KLF16: variants seen among roughly 807,000 people sequenced by gnomAD.
KLF16 encodes the protein KLF transcription factor 16.
KLF16 carries 6 observed loss-of-function variants against 6.1 expected under a neutral mutation model. That is an observed-to-expected ratio of 0.98 (90% confidence interval 0.54 to 1.93). The LOEUF is 1.93. Among genes scored for constraint, KLF16 ranks in the 30% most tolerant of loss-of-function variants. KLF16 has a pLI of 0.01. For synonymous variants in KLF16, 211 were observed against 176.5 expected (o/e 1.20, Z -1.55); for missense variants, 355 against 363.8 (o/e 0.98, Z 0.20).
rs947873612 is a variant in KLF16 at position 1,857,813 on chromosome 19, G to C, written c.458-3053C>G. Among the ~76,000 whole-genome samples the C allele has an allele frequency of 2.0e-5, 3 of 152,106 alleles. No homozygotes were observed. The highest frequency in any genetic ancestry group is 7.2e-5 in the African/African-American group (3 of 41,422). On this transcript the variant is annotated intron_variant, in intron 1 of 1. Coordinates refer to ENST00000250916, the MANE Select transcript of KLF16 (RefSeq NM_031918.4). The surrounding 1 kb of genome is among the most constrained non-coding windows in gnomAD (Gnocchi z 4.7). ...CCCAGGAGAGCCAGGAAAGGCTGGGGCTGGGGAGGCCTCTTACCCACCCAG... is the reference window on the plus strand; with the variant it reads ...CCCAGGAGAGCCAGGAAAGGCTGGGCCTGGGGAGGCCTCTTACCCACCCAG...
At chr19:1,874,745 CCAAAAA>C in the KLF16 span, 2 of 48,730 alleles carry the variant, frequency 4.1e-5, no homozygotes, top group African/African-American at 2.2e-4. Flanking sequence ...TGTCAGAGTC[CCAAAAA>C]AAAAAAAAAA....
At chr19:1,860,806 G>A (rs1294779577) in intron 1 of KLF16, among the ~76,000 whole-genome samples, 1 of 152,176 alleles carries the variant, frequency 6.6e-6, no homozygotes, top group Non-Finnish European at 1.5e-5. Flanking sequence ...GTGGTCCTGG[G>A]GGCTGGGGAG....
At chr19:1,864,035 T>G, upstream of KLF16, among the ~76,000 whole-genome samples, 1 of 122,488 alleles carries the variant, frequency 8.2e-6, no homozygotes, top group Non-Finnish European at 1.7e-5. Flanking sequence ...ACGCCCCTCC[T>G]TCCGAGAGCG....
chr19:1,866,571 G>T (rs370510470), upstream of KLF16, among the ~76,000 whole-genome samples: 24 of 151,600 alleles, frequency 1.6e-4, no homozygotes, highest in East Asian at 2.1e-3. Context: ...CCGAGATCGT[G>T]CCACTGCACT....
At chr19:1,865,546 G>T (rs753497802), upstream of KLF16, among the ~76,000 whole-genome samples, 1 of 152,274 alleles carries the variant, frequency 6.6e-6, no homozygotes, top group Admixed American at 6.5e-5. Flanking sequence ...GGAGGCTAAC[G>T]ATGGGGGGCA....
At chr19:1,864,148 C>A (rs1184053909), upstream of KLF16, among the ~76,000 whole-genome samples, 1 of 150,612 alleles carries the variant, frequency 6.6e-6, no homozygotes, top group Non-Finnish European at 1.5e-5. Context: ...GGGAGCCCGC[C>A]CCCTCCCCGG....
rs774381278 is a variant in KLF16, at chr19:1,854,567, G to C, written c.651C>G (p.Leu217=). 6.3e-7 allele frequency: 1 copy of C among 1,581,596 alleles called. No individual in the cohort carries two copies. The highest frequency in any genetic ancestry group is 8.5e-7 in the Non-Finnish European group (1 of 1,171,282). The change falls in exon 2 of 2, where the codon CTC becomes CTG. Residue 217 remains leucine, a synonymous_variant. Transcript: ENST00000250916. ...RRHPGFHPDL[L]RRPGARSTSP... is the part of the protein sequence containing the mutation. ...AGGTACTGCGGGCACCAGGGCGCCG[G>C]AGCAGGTCCGGGTGGAAGCCGGGGT...
upstream of KLF16, among the ~76,000 whole-genome samples, chr19:1,868,490 T>A (rs905524701): frequency 3.0e-4 from 34 of 114,062 alleles, no homozygotes; most frequent in Middle Eastern, 5.3e-3. Flanking sequence ...TTTTTTTTTT[T>A]TTTTTTTTGA....
chr19:1,856,628 C>G (rs778492656), intron 1 of KLF16, among the ~76,000 whole-genome samples: 1 of 152,330 alleles, frequency 6.6e-6, no homozygotes, highest in South Asian at 2.1e-4. Flanking sequence ...AAGCAAGAGG[C>G]GCAGAGCAGC....
At chr19:1,875,424 G>A in the KLF16 span, 6 of 152,258 alleles carry the variant, frequency 3.9e-5, no homozygotes, top group African/African-American at 1.2e-4. Flanking sequence ...GCACGTAGAT[G>A]TTCCTGCATA....
chr19:1,865,327 A>G (rs1010749620), upstream of KLF16, among the ~76,000 whole-genome samples: 2 of 152,036 alleles, frequency 1.3e-5, no homozygotes, highest in African/African-American at 4.8e-5. Flanking sequence ...TTGTCTTTGA[A>G]CTTCTAGGAC....
chr19:1,872,024 G>A, the KLF16 span, among the ~76,000 whole-genome samples: 1 of 152,198 alleles, frequency 6.6e-6, no homozygotes, highest in Non-Finnish European at 1.5e-5. Flanking sequence ...CACAGAGTCG[G>A]GAGGGGACCA....
At chr19:1,856,146 G>A (rs575299286) in intron 1 of KLF16, among the ~76,000 whole-genome samples, 1 of 152,302 alleles carries the variant, frequency 6.6e-6, no homozygotes, top group Non-Finnish European at 1.5e-5. Flanking sequence ...CAGGGGCCTA[G>A]AAGGACCCAC....
chr19:1,854,731 C>G lies in KLF16; in HGVS notation c.487G>C (p.Gly163Arg). ...GERPFACDWQ[G>R]CDKKFARSDE... ...GAGCGGGCGAACTTCTTGTCGCAGC[C>G]CTGCCAGTCACAAGCAAAAGGGCGT... Residue 163 changes from glycine (G) to arginine (R), a missense_variant, in exon 2 of 2, where the codon GGC becomes CGC. Gly to Arg is a moderately radical substitution (Grantham distance 125, BLOSUM62 -2). Coordinates refer to ENST00000250916, the MANE Select transcript of KLF16 (RefSeq NM_031918.4). 2.5e-6 allele frequency: 4 copies of G among 1,598,904 alleles called. No homozygotes were observed. The highest frequency in any genetic ancestry group is 2.5e-6 in the Non-Finnish European group (3 of 1,179,484).
chr19:1,854,725 C>T lies in KLF16; in HGVS notation c.493G>A (p.Asp165Asn), dbSNP rs775497025. The T allele has an allele frequency of 5.0e-6, 8 of 1,598,264 alleles. No individual in the cohort carries two copies. In the South Asian group the frequency reaches 5.5e-5, roughly 11 times the overall value. ...RPFACDWQGCDKKFARSDELA... is the reference protein window; with the variant it reads ...RPFACDWQGCNKKFARSDELA... ...TCGTCGGAGCGGGCGAACTTCTTGT[C>T]GCAGCCCTGCCAGTCACAAGCAAAA... Residue 165 changes from aspartate (D) to asparagine (N), a missense_variant, in exon 2 of 2, where the codon GAC becomes AAC. Coordinates refer to ENST00000250916, the MANE Select transcript of KLF16 (RefSeq NM_031918.4).
At chr19:1,864,719 C>T (rs1418547047), upstream of KLF16, among the ~76,000 whole-genome samples, 2 of 152,188 alleles carry the variant, frequency 1.3e-5, no homozygotes, top group East Asian at 1.9e-4. Context: ...GGTATTCGGG[C>T]CTCCCGGCCG....
chr19:1,858,679 C>T (rs778426099), intron 1 of KLF16, among the ~76,000 whole-genome samples: 14 of 151,996 alleles, frequency 9.2e-5, no homozygotes, highest in Non-Finnish European at 2.1e-4. Flanking sequence ...CCCACCCCGC[C>T]GCCAAACTAT....
chr19:1,859,078 AC>A (rs1234676538), intron 1 of KLF16, among the ~76,000 whole-genome samples: 4 of 129,732 alleles, frequency 3.1e-5, no homozygotes, highest in African/African-American at 8.9e-5. Flanking sequence ...CTGGCCCCCT[AC>A]CCCCCACCCC....
the KLF16 span, among the ~76,000 whole-genome samples, chr19:1,870,208 G>A: frequency 1.3e-5 from 2 of 152,158 alleles, no homozygotes; most frequent in African/African-American, 4.8e-5. Flanking sequence ...GGGATTACAG[G>A]CGTGAGCCAC....
Sources: gnomAD v4.1 joint callset for allele counts (sites outside exome capture counted in the v4.1 genomes callset) on GRCh38, gnomAD v4.1.1 for gene constraint, Gnocchi (gnomAD v3.1) non-coding constraint, MANE v1.5 for transcripts, NCBI Gene and HGNC (gene_info 2026-07-23, HGNC 2026-07-21) for gene names.